Variants in ACTR6 observed in about 807,000 individuals in gnomAD.
The protein encoded by ACTR6 is actin-related protein 6.
ACTR6 carries 50 observed loss-of-function variants against 52.5 expected under a neutral mutation model. The observed-to-expected ratio is 0.95, with a 90% confidence interval of 0.76 to 1.20. The LOEUF is 1.20. Among genes scored for constraint, ACTR6 ranks in the 50% most tolerant of loss-of-function variants. The pLI is 0.00. For missense variants in ACTR6, 344 were observed against 472.4 expected (o/e 0.73, Z 2.52); for synonymous variants, 135 against 147.2 (o/e 0.92, Z 0.60).
intron 2 of ACTR6, 156 bp from the exon 3 acceptor site, chr12:100,205,520 A>C (rs936786523): frequency 3.2e-5 from 14 of 440,298 alleles, no homozygotes; most frequent in Non-Finnish European, 5.0e-5. Flanking sequence ...AATTAAAAAA[A>C]AGAAATTCAT....
At position 100,218,453 on chromosome 12, in the gene ACTR6, T is replaced by G; in HGVS notation, c.789T>G (p.Ser263=). The change falls in exon 9 of 11, where the codon TCT becomes TCG. Residue 263 remains serine, a synonymous_variant. Coordinates refer to ENST00000188312, the MANE Select transcript of ACTR6 (RefSeq NM_022496.5). This position sits in a 1 kb window ranked among gnomAD's most constrained non-coding sequence, Gnocchi z 4.2. Reference sequence around the variant, plus strand: ...TGGTGTTGAGTGGAAAATACAAATCTGGGGAACAAATTCTTCGTTTGGCCA... The same window carrying G: ...TGGTGTTGAGTGGAAAATACAAATCGGGGGAACAAATTCTTCGTTTGGCCA... The part of the protein sequence containing the change: ...EEMVLSGKYK[S]GEQILRLANE... 1 of 1,611,420 alleles carries G rather than the reference T, an allele frequency of 6.2e-7. No individual in the cohort carries two copies. Among genetic ancestry groups the G allele is most frequent in the Non-Finnish European group, 8.5e-7 (1 of 1,178,912 alleles).
At chr12:100,221,941 T>A (rs1345092833) in intron 10 of ACTR6, 2 of 152,092 alleles carry the variant, frequency 1.3e-5, no homozygotes, top group South Asian at 2.1e-4. Context: ...GGGGGGTTTT[T>A]AAAATTTTTT....
chr12:100,219,978 T>G (rs1318926880), intron 9 of ACTR6, 30 bp from the exon 10 acceptor site: 1 of 1,608,444 alleles, frequency 6.2e-7, no homozygotes, highest in Admixed American at 1.7e-5. Flanking sequence ...ATGCCTTTTT[T>G]CCTTTCCTTC....
intron 6 of ACTR6, 56 bp downstream of exon 6, chr12:100,210,407 C>T (rs1289221256): frequency 1.2e-5 from 19 of 1,535,022 alleles, no homozygotes; most frequent in East Asian, 2.3e-5. Flanking sequence ...GAACCTTTTA[C>T]AGTAATTTAA....
intron 10 of ACTR6, among the ~76,000 whole-genome samples, chr12:100,221,266 T>C (rs1416261862): frequency 6.6e-6 from 1 of 152,166 alleles, no homozygotes; most frequent in Non-Finnish European, 1.5e-5. Context: ...AGACCCCACA[T>C]ACCTGACTCT....
intron 8 of ACTR6, among the ~76,000 whole-genome samples, chr12:100,216,222 C>A (rs182110420): frequency 1.3e-5 from 2 of 152,364 alleles, no homozygotes; most frequent in East Asian, 3.9e-4. Context: ...GCGGTGTGAT[C>A]ACAGCTCACT....
chr12:100,208,670 C>T, intron 4 of ACTR6: 1 of 455,102 alleles, frequency 2.2e-6, no homozygotes. Flanking sequence ...AAGTTACTGG[C>T]CACATATTTC....
rs1473261057 is a variant in ACTR6, at chr12:100,210,163, T to C, written c.470T>C (p.Ile157Thr). 6.2e-7 allele frequency: 1 copy of C among 1,607,352 alleles called. No individual in the cohort carries two copies. Among genetic ancestry groups the C allele is most frequent in the South Asian group, 1.1e-5 (1 of 90,248 alleles). Residue 157 changes from isoleucine (I) to threonine (T), a missense_variant, in exon 5 of 11, where the codon ATA becomes ACA. Coordinates refer to ENST00000188312, the MANE Select transcript of ACTR6 (RefSeq NM_022496.5). ...GATAGTGGATATTCCTTTACACATA[T>C]AGTTCCTTATTGTAGAAGTAAAAAG... is the stretch of plus-strand genomic sequence containing the variant. ...IVDSGYSFTH[I>T]VPYCRSKKKK...
intron 8 of ACTR6, among the ~76,000 whole-genome samples, chr12:100,217,275 G>A (rs1264047276): frequency 6.6e-6 from 1 of 152,088 alleles, no homozygotes; most frequent in Non-Finnish European, 1.5e-5. Context: ...GATATGTGAT[G>A]GTGAACAATA....
chr12:100,210,145 GAT>G lies in ACTR6; in HGVS notation c.455_456del (p.Tyr152PhefsTer10). ...TTATGCTGTATCATTGTTGATAGTGGATATTCCTTTACACATATAGTTCCTTA... is the reference window on the plus strand; with the variant it reads ...TTATGCTGTATCATTGTTGATAGTGGATTCCTTTACACATATAGTTCCTTA... On this transcript the variant is annotated frameshift_variant, in exon 5 of 11. Transcript: ENST00000188312. LOFTEE classifies it high-confidence loss of function. 1 of 1,610,158 alleles carries G rather than the reference GAT, an allele frequency of 6.2e-7. No homozygotes were observed. Among genetic ancestry groups the G allele is most frequent in the Non-Finnish European group, 8.5e-7 (1 of 1,177,556 alleles).
intron 8 of ACTR6, among the ~76,000 whole-genome samples, chr12:100,212,964 A>T (rs936746098): frequency 8.8e-5 from 13 of 147,074 alleles, no homozygotes; most frequent in Non-Finnish European, 1.3e-4. Flanking sequence ...CTGAGATCAC[A>T]CTATTGCACT....
chr12:100,206,348 C>CA (rs2096114603), intron 3 of ACTR6: 1 of 152,080 alleles, frequency 6.6e-6, no homozygotes, highest in Admixed American at 6.6e-5. Flanking sequence ...CATGTTGGCA[C>CA]ACACCTGTAG....
chr12:100,209,465 G>A (rs898974733), intron 4 of ACTR6, among the ~76,000 whole-genome samples: 4 of 152,216 alleles, frequency 2.6e-5, no homozygotes, highest in Non-Finnish European at 5.9e-5. Context: ...AGGTTGCAGT[G>A]TGCCATGATC....
At chr12:100,203,999 C>T (rs1251661530) in intron 1 of ACTR6, 1 of 152,176 alleles carries the variant, frequency 6.6e-6, no homozygotes, top group African/African-American at 2.4e-5. Flanking sequence ...TGTGTTAAAG[C>T]CAGAAAGACT....
Position 100,218,325 on chromosome 12 carries a change from T to C in ACTR6, c.751-90T>C, listed in dbSNP as rs2096125439. 1.3e-6 allele frequency: 1 copy of C among 747,008 alleles called. No individual in the cohort carries two copies. The highest frequency in any genetic ancestry group is 1.9e-5 in the African/African-American group (1 of 53,528). The allele number at this position is 747,008 out of a possible 1,614,324, so 46.3% of individuals were successfully genotyped here. A position where few individuals can be genotyped will look rare whatever the true frequency, so the allele number is the denominator to read the frequency against. ...GAACATTATTAATATATTATTAATA[T>C]ATTATTGCATATATAATTGCATATT... On this transcript the variant is annotated intron_variant, in intron 8 of 10. Transcript: ENST00000188312. The surrounding 1 kb of genome is among the most constrained non-coding windows in gnomAD (Gnocchi z 4.2).
intron 8 of ACTR6, among the ~76,000 whole-genome samples, chr12:100,212,810 C>A (rs533077587): frequency 2.6e-5 from 4 of 151,884 alleles, no homozygotes; most frequent in African/African-American, 9.7e-5. Context: ...TCAAAACCAG[C>A]CTGGCCAACA....
chr12:100,217,753 A>G (rs907905945), intron 8 of ACTR6, among the ~76,000 whole-genome samples: 1 of 152,230 alleles, frequency 6.6e-6, no homozygotes, highest in Non-Finnish European at 1.5e-5. Flanking sequence ...GATTGAATAC[A>G]TATTAAAGAA....
rs2153900869 is a variant in ACTR6 at position 100,218,124 on chromosome 12, G to A, written c.751-291G>A. ...CAAAGTGCTGGGATTACAGGTGTGA[G>A]CCAGGGCACCTGGCCCTCTTTGTAT... On this transcript the variant is annotated intron_variant, in intron 8 of 10. Transcript: ENST00000188312. The surrounding 1 kb of genome is among the most constrained non-coding windows in gnomAD (Gnocchi z 4.2). Among the ~76,000 whole-genome samples, 1 of 152,204 alleles carries A rather than the reference G, an allele frequency of 6.6e-6. No homozygotes were observed. Among genetic ancestry groups the A allele is most frequent in the East Asian group, 1.9e-4 (1 of 5,166 alleles).
chr12:100,220,341 C>A lies in ACTR6; in HGVS notation c.1061+195C>A, dbSNP rs375067622. 3.9e-5 allele frequency among the ~76,000 whole-genome samples: 6 copies of A among 152,198 alleles called. No homozygotes were observed. In the East Asian group the frequency reaches 9.7e-4, roughly 25 times the overall value. On this transcript the variant is annotated intron_variant, in intron 10 of 10. Transcript: ENST00000188312. ...AAATTAAATGGAAGTATGTAAAGTGCCAGCCATAATGTTTCATACACAATG... is the reference window on the plus strand; with the variant it reads ...AAATTAAATGGAAGTATGTAAAGTGACAGCCATAATGTTTCATACACAATG...
Sources: allele counts gnomAD v4.1 joint callset (sites outside exome capture counted in the v4.1 genomes callset), GRCh38; gene constraint gnomAD v4.1.1; non-coding constraint Gnocchi (gnomAD v3.1); transcripts MANE v1.5; gene names NCBI Gene and HGNC (gene_info 2026-07-23, HGNC 2026-07-21).